EGLN1: variants seen among roughly 807,000 people sequenced by gnomAD.
EGLN1 encodes the protein egl nine homolog 1.
EGLN1 carries 17 observed loss-of-function variants against 38.3 expected under a neutral mutation model. The ratio of observed to expected loss-of-function variants is 0.44; its 90% confidence interval spans 0.30 to 0.67. The LOEUF (loss-of-function observed/expected upper bound fraction) is 0.67, where lower values mean the gene tolerates loss of function less well. EGLN1 is among the 30% of genes least tolerant of loss of function. The pLI is 0.08. For synonymous variants in EGLN1, 283 were observed against 257.5 expected (o/e 1.10, Z -0.95); for missense variants, 477 against 603.3 (o/e 0.79, Z 2.19).
At position 231,421,469 on chromosome 1, in the gene EGLN1, G is replaced by A. The variant is rs1169347204; in HGVS notation, c.420C>T (p.Ala140=). 6.9e-7 allele frequency: 1 copy of A among 1,456,420 alleles called. No individual in the cohort carries two copies. The highest frequency in any genetic ancestry group is 9.1e-7 in the Non-Finnish European group (1 of 1,104,586). The allele number at this position is 1,456,420 out of a possible 1,614,324, so 90.2% of individuals were successfully genotyped here. A position where few individuals can be genotyped will look rare whatever the true frequency, so the allele number is the denominator to read the frequency against. Residue 140 remains alanine (A), a synonymous_variant, in exon 1 of 5, where the codon GCC becomes GCT. Coordinates refer to ENST00000366641, the MANE Select transcript of EGLN1 (RefSeq NM_022051.3). The surrounding 1 kb of genome is among the most constrained non-coding windows in gnomAD (Gnocchi z 5.5). Reference sequence around the variant, plus strand: ...GCTCCTCCTTGCCGGGCTCGGCTTCGGCAGCCACCGCCGAGCCCTGGCCGC... The same window carrying A: ...GCTCCTCCTTGCCGGGCTCGGCTTCAGCAGCCACCGCCGAGCCCTGGCCGC... ...AAGGQGSAVA[A]EAEPGKEEPP... is the part of the protein sequence containing the mutation.
chr1:231,366,867 C>T (rs1298635285), intron 4 of EGLN1, among the ~76,000 whole-genome samples: 1 of 152,156 alleles, frequency 6.6e-6, no homozygotes, highest in East Asian at 1.9e-4. Context: ...TTAGCAATGG[C>T]TCTGGAAAAC....
chr1:231,406,825 G>A (rs1157047786), intron 1 of EGLN1, among the ~76,000 whole-genome samples: 1 of 152,074 alleles, frequency 6.6e-6, no homozygotes, highest in Non-Finnish European at 1.5e-5. Flanking sequence ...GCAAAACAAA[G>A]TTGTGAGACG....
intron 1 of EGLN1, among the ~76,000 whole-genome samples, chr1:231,398,354 G>C (rs1258060592): frequency 6.6e-6 from 1 of 152,084 alleles, no homozygotes; most frequent in Non-Finnish European, 1.5e-5. Context: ...AAAGAGATGG[G>C]GGTCACATTA....
At chr1:231,388,107 G>A (rs1314045307) in intron 1 of EGLN1, among the ~76,000 whole-genome samples, 1 of 152,202 alleles carries the variant, frequency 6.6e-6, no homozygotes, top group East Asian at 1.9e-4. Context: ...TTTGGTTGTA[G>A]AGGGTGTTAG....
chr1:231,388,694 G>A (rs1688293283), intron 1 of EGLN1, among the ~76,000 whole-genome samples: 4 of 151,836 alleles, frequency 2.6e-5, no homozygotes, highest in Non-Finnish European at 4.4e-5. Context: ...TCTCTCTGTC[G>A]CCCAGGCTGA....
chr1:231,398,120 G>A (rs1688578101), intron 1 of EGLN1, among the ~76,000 whole-genome samples: 1 of 152,204 alleles, frequency 6.6e-6, no homozygotes, highest in East Asian at 1.9e-4. Context: ...CAAATGATGA[G>A]AACCAAAACA....
At chr1:231,410,612 T>C (rs577255474) in intron 1 of EGLN1, among the ~76,000 whole-genome samples, 481 of 151,860 alleles carry the variant, frequency 3.2e-3, no homozygotes, top group Non-Finnish European at 4.9e-3. Context: ...AGAAGAAAAA[T>C]CTAGAAATAT....
chr1:231,374,665 G>A (rs951497090), intron 1 of EGLN1, among the ~76,000 whole-genome samples: 22 of 152,154 alleles, frequency 1.4e-4, no homozygotes, highest in African/African-American at 4.8e-4. Context: ...CTATAAGCAC[G>A]TGTCACCAGG....
At chr1:231,409,423 G>C (rs1688876480) in intron 1 of EGLN1, among the ~76,000 whole-genome samples, 1 of 152,016 alleles carries the variant, frequency 6.6e-6, no homozygotes, top group African/African-American at 2.4e-5. Flanking sequence ...GAATTACTTT[G>C]ACCTGGGCAC....
chr1:231,409,101 G>A, intron 1 of EGLN1, among the ~76,000 whole-genome samples: 1 of 152,046 alleles, frequency 6.6e-6, no homozygotes. Flanking sequence ...AGACTAATAG[G>A]AAATTAGTTT....
chr1:231,402,888 G>C (rs2749714), intron 1 of EGLN1, among the ~76,000 whole-genome samples: 82,085 of 150,538 alleles, frequency 0.55, 23,955 homozygotes, highest in Non-Finnish European at 0.65. Context: ...AGCCAGTACT[G>C]AATTTCCTTA....
At chr1:231,416,414 G>A (rs1480176039) in intron 1 of EGLN1, among the ~76,000 whole-genome samples, 1 of 150,058 alleles carries the variant, frequency 6.7e-6, no homozygotes, top group Non-Finnish European at 1.5e-5. Context: ...TAAGTAAAGA[G>A]TTACATACAT....
chr1:231,388,281 A>C lies in EGLN1; in HGVS notation c.892-14182T>G, dbSNP rs137950092. The stretch of plus-strand genomic sequence containing the variant: ...AATTGAGAGAACTGTAAGAAAATTA[A>C]GAGGGAAGAACCAACTAGATACATT... On this transcript the variant is annotated intron_variant, in intron 1 of 4. Transcript: ENST00000366641. Among the ~76,000 whole-genome samples the C allele has an allele frequency of 5.9e-3, 896 of 152,140 alleles. 6 individuals are homozygous for C. The highest frequency in any genetic ancestry group is 0.02 in the African/African-American group (829 of 41,524).
At chr1:231,394,545 ATTTTTT>A (rs59597792) in intron 1 of EGLN1, among the ~76,000 whole-genome samples, 3 of 141,352 alleles carry the variant, frequency 2.1e-5, no homozygotes. Context: ...CGCCCGACTA[ATTTTTT>A]TTTTTTTTTT....
chr1:231,408,574 G>C (rs1688851328), intron 1 of EGLN1, among the ~76,000 whole-genome samples: 1 of 152,148 alleles, frequency 6.6e-6, no homozygotes, highest in Non-Finnish European at 1.5e-5. Context: ...AATCCAGATA[G>C]AAAGTGATTT....
chr1:231,410,017 A>G (rs933407332), intron 1 of EGLN1, among the ~76,000 whole-genome samples: 13 of 152,216 alleles, frequency 8.5e-5, no homozygotes, highest in African/African-American at 3.1e-4. Context: ...CTAGAGGGAA[A>G]AAAAGAGAAG....
chr1:231,381,813 C>T (rs1688085803), intron 1 of EGLN1, among the ~76,000 whole-genome samples: 1 of 152,208 alleles, frequency 6.6e-6, no homozygotes, highest in Non-Finnish European at 1.5e-5. Context: ...CACTGCACAA[C>T]TCTTTCTTAG....
intron 1 of EGLN1, among the ~76,000 whole-genome samples, chr1:231,381,627 T>G (rs1377159191): frequency 6.6e-6 from 1 of 152,216 alleles, no homozygotes; most frequent in Non-Finnish European, 1.5e-5. Context: ...TCTAGAGATA[T>G]GTCATGATGC....
chr1:231,371,944 T>C (rs1303321104), intron 2 of EGLN1, among the ~76,000 whole-genome samples: 1 of 152,214 alleles, frequency 6.6e-6, no homozygotes, highest in Non-Finnish European at 1.5e-5. Flanking sequence ...TTTGATACCC[T>C]TGCCAACCTT....
Sources: gnomAD v4.1 joint callset for allele counts (sites outside exome capture counted in the v4.1 genomes callset) on GRCh38, gnomAD v4.1.1 for gene constraint, Gnocchi (gnomAD v3.1) non-coding constraint, MANE v1.5 for transcripts, NCBI Gene and HGNC (gene_info 2026-07-23, HGNC 2026-07-21) for gene names.